The following ERC1 variants were observed in gnomAD, a reference collection of about 807,000 sequenced individuals.
ERC1 encodes the protein RAB6 interacting protein 2.
ERC1 carries 56 observed loss-of-function variants against 132.0 expected under a neutral mutation model. The observed-to-expected ratio is 0.42, with a 90% CI of 0.34 to 0.53. ERC1 has a LOEUF of 0.53. ERC1 is among the 20% of genes least tolerant of loss of function. The pLI, the probability that ERC1 is intolerant of heterozygous loss-of-function variation, is 0.03. For synonymous variants in ERC1, 478 were observed against 476.1 expected (o/e 1.00, Z -0.05); for missense variants, 1,202 against 1,349.9 (o/e 0.89, Z 1.72).
chr12:1,222,944 T>C (rs2074287677), intron 12 of ERC1, among the ~76,000 whole-genome samples: 1 of 152,244 alleles, frequency 6.6e-6, no homozygotes, highest in African/African-American at 2.4e-5. Context: ...TTTTTAGTAA[T>C]TCCATTGTTT....
At chr12:1,414,553 C>A (rs1028330082) in intron 17 of ERC1, among the ~76,000 whole-genome samples, 7 of 152,182 alleles carry the variant, frequency 4.6e-5, no homozygotes, top group Admixed American at 4.6e-4. Context: ...ACTCATAGAT[C>A]TCAGTGGTGC....
intron 8 of ERC1, among the ~76,000 whole-genome samples, chr12:1,168,479 CTTTTTTTTT>C (rs746267742): frequency 1.2e-3 from 114 of 91,970 alleles, no homozygotes; most frequent in African/African-American, 4.6e-3. Context: ...AGTGACTGGT[CTTTTTTTTT>C]TTTTTTTTTT....
At position 1,083,291 on chromosome 12, in the gene ERC1, A is replaced by G. The variant is rs370857412; in HGVS notation, c.797A>G (p.Asn266Ser). The G allele has an allele frequency of 1.7e-5, 27 of 1,614,054 alleles. No individual in the cohort carries two copies. The highest frequency in any genetic ancestry group is 2.3e-5 in the Non-Finnish European group (27 of 1,180,030). ...TGTGTAGCAGAGCTGACAGAGGAGA[A>G]CTTTCAGAGGCTTCATGCTGAGCAT... is the stretch of plus-strand genomic sequence containing the variant. ...EPCVAELTEE[N>S]FQRLHAEHER... Residue 266 changes from asparagine (N) to serine (S), a missense_variant, in exon 3 of 19, where the codon AAC (asparagine) becomes AGC (serine). Physicochemically the swap from Asn to Ser is conservative, Grantham distance 46. Transcript: ENST00000360905.
At chr12:1,034,542 A>C (rs2154154422) in intron 2 of ERC1, among the ~76,000 whole-genome samples, 1 of 152,322 alleles carries the variant, frequency 6.6e-6, no homozygotes, top group East Asian at 1.9e-4. Flanking sequence ...TGTGTGTGTC[A>C]GATTATACGT....
intron 2 of ERC1, among the ~76,000 whole-genome samples, chr12:1,030,220 T>A (rs1030329816): frequency 1.3e-5 from 2 of 152,216 alleles, no homozygotes; most frequent in Admixed American, 1.3e-4. Flanking sequence ...AGCTACCTCA[T>A]TGTTGGTATT....
intron 17 of ERC1, among the ~76,000 whole-genome samples, chr12:1,421,450 G>A (rs115564694): frequency 0.012 from 1,849 of 152,196 alleles, 22 homozygotes; most frequent in African/African-American, 0.041. Context: ...TGATTGGTTG[G>A]GGTTGCGATC....
At position 1,024,108 on chromosome 12, in the gene ERC1, C is replaced by T. The variant is rs987600335; in HGVS notation, c.-156-3640C>T. Among the ~76,000 whole-genome samples the T allele has an allele frequency of 3.9e-5, 6 of 152,280 alleles. No individual in the cohort carries two copies. The East Asian group carries it at 7.7e-4, about 20-fold the overall frequency. ...GTAAGAAAGTACCATCAGCTGGGCACGGTGGCTCACGCCTGTAATCCCAGT... is the reference window on the plus strand; with the variant it reads ...GTAAGAAAGTACCATCAGCTGGGCATGGTGGCTCACGCCTGTAATCCCAGT... On this transcript the variant is annotated intron_variant, in intron 1 of 18. Coordinates refer to ENST00000360905, the MANE Select transcript of ERC1 (RefSeq NM_178040.4).
In ERC1 at chr12:1,492,749, C is replaced by T. The variant is rs1005209426; in HGVS notation, c.*2519C>T. 5 of 232,268 alleles carry T rather than the reference C, an allele frequency of 2.2e-5. No individual in the cohort carries two copies. Among genetic ancestry groups the T allele is most frequent in the African/African-American group, 6.6e-5 (3 of 45,290 alleles). 14.4% of individuals were successfully genotyped at this position (232,268 alleles called of 1,614,324 possible). On this transcript the variant is annotated 3_prime_UTR_variant, in exon 19 of 19. Coordinates refer to ENST00000360905, the MANE Select transcript of ERC1 (RefSeq NM_178040.4). ...GGCTGGCTAGGAGTTCAGTAATAAACGTGGCCTTCGTGCTGTAGGGCAGAG... is the reference window on the plus strand; with the variant it reads ...GGCTGGCTAGGAGTTCAGTAATAAATGTGGCCTTCGTGCTGTAGGGCAGAG...
chr12:1,394,331 C>T (rs1004842294), intron 16 of ERC1, among the ~76,000 whole-genome samples: 4 of 151,872 alleles, frequency 2.6e-5, no homozygotes, highest in Admixed American at 6.6e-5. Context: ...ACCTGGGAGG[C>T]GGAGCTTGCA....
chr12:997,267 GATAA>G (rs757786505), intron 1 of ERC1, among the ~76,000 whole-genome samples: 9 of 152,208 alleles, frequency 5.9e-5, no homozygotes, highest in Non-Finnish European at 8.8e-5. Context: ...TTACTTGACT[GATAA>G]ATAAAGGAAA....
At chr12:1,395,810 A>AG (rs1454579955) in intron 16 of ERC1, among the ~76,000 whole-genome samples, 1 of 152,154 alleles carries the variant, frequency 6.6e-6, no homozygotes, top group African/African-American at 2.4e-5. Context: ...TTCTACCAAG[A>AG]GGGGGAAAAA....
In ERC1 at chr12:1,324,371, G is replaced by A. The variant is rs566458633; in HGVS notation, c.2780+34359G>A. Among the ~76,000 whole-genome samples the A allele has an allele frequency of 1.2e-4, 18 of 152,304 alleles. 1 individual carries two copies. In the South Asian group the frequency reaches 3.7e-3, roughly 32 times the overall value. ...GAAGGCATGTCTCACTTTGGAGCCTGCCAAGATTTTTGCTTTTTCATAGAA... is the reference window on the plus strand; with the variant it reads ...GAAGGCATGTCTCACTTTGGAGCCTACCAAGATTTTTGCTTTTTCATAGAA... On this transcript the variant is annotated intron_variant, in intron 15 of 18. Coordinates refer to ENST00000360905, the MANE Select transcript of ERC1 (RefSeq NM_178040.4).
intron 16 of ERC1, among the ~76,000 whole-genome samples, chr12:1,379,800 A>T (rs1388323029): frequency 6.6e-6 from 1 of 152,096 alleles, no homozygotes; most frequent in Non-Finnish European, 1.5e-5. Context: ...TGAATCTCAG[A>T]AGTGACATAC....
intron 16 of ERC1, among the ~76,000 whole-genome samples, chr12:1,375,520 G>A (rs1174080029): frequency 6.6e-6 from 1 of 152,124 alleles, no homozygotes; most frequent in Non-Finnish European, 1.5e-5. Flanking sequence ...GCTTTAGCAG[G>A]TCATCCAAAC....
chr12:1,112,186 A>C (rs1462903325), intron 5 of ERC1, 29 bp from the exon 6 acceptor site: 1 of 1,514,296 alleles, frequency 6.6e-7, no homozygotes, highest in Non-Finnish European at 9.2e-7. Flanking sequence ...TTGACACATA[A>C]GTGAAAAAGA....
intron 1 of ERC1, among the ~76,000 whole-genome samples, chr12:993,334 A>T (rs1469149947): frequency 6.6e-6 from 1 of 152,200 alleles, no homozygotes; most frequent in Non-Finnish European, 1.5e-5. Flanking sequence ...TCCTAAAATG[A>T]CATTTGCATG....
At chr12:1,425,275 T>C (rs944936288) in intron 17 of ERC1, among the ~76,000 whole-genome samples, 1 of 152,236 alleles carries the variant, frequency 6.6e-6, no homozygotes. Flanking sequence ...GAGCACTTTT[T>C]AGTGTGATGG....
intron 2 of ERC1, among the ~76,000 whole-genome samples, chr12:1,068,519 C>G (rs144601086): frequency 2.8e-4 from 43 of 151,956 alleles, no homozygotes; most frequent in Middle Eastern, 3.4e-3. Context: ...ATACCTGATT[C>G]TTTACTGATG....
chr12:1,296,052 A>G, intron 15 of ERC1, among the ~76,000 whole-genome samples: 1 of 151,822 alleles, frequency 6.6e-6, no homozygotes, highest in Non-Finnish European at 1.5e-5. Context: ...TTATACATTA[A>G]AGAATTAAAG....
Sources: allele counts gnomAD v4.1 joint callset (sites outside exome capture counted in the v4.1 genomes callset), GRCh38; gene constraint gnomAD v4.1.1; transcripts MANE v1.5; gene names NCBI Gene and HGNC (gene_info 2026-07-23, HGNC 2026-07-21).